The following SEM1 variants were observed in gnomAD, a reference collection of about 807,000 sequenced individuals.
The protein encoded by SEM1 is 26S proteasome complex subunit SEM1.
SEM1 carries 3 observed loss-of-function variants against 12.7 expected under a neutral mutation model. That is an observed-to-expected ratio of 0.24 (90% CI 0.11 to 0.61). The LOEUF (loss-of-function observed/expected upper bound fraction) is 0.61. SEM1 is among the 20% of genes least tolerant of loss of function. The probability of loss-of-function intolerance (pLI) is 0.88; values close to 1 mark genes in which losing one functional copy is unlikely to be tolerated. For synonymous variants in SEM1, 30 were observed against 27.8 expected, an observed-to-expected ratio of 1.08 and a Z score of -0.25; for missense variants, 59 against 81.3, an observed-to-expected ratio of 0.73 and a Z score of 1.06.
intron 2 of SEM1, among the ~76,000 whole-genome samples, chr7:96,602,584 T>C (rs1056116905): frequency 3.9e-5 from 6 of 152,208 alleles, no homozygotes; most frequent in African/African-American, 1.4e-4. Context: ...TACCAATATT[T>C]CTACCTCCCA....
In SEM1 at chr7:96,640,716, A is replaced by G. The variant is rs375637716; in HGVS notation, c.171-18073T>C. ...CCAGGAGTGAACCCTAATGGAAACT[A>G]TGAGCTTTGGATGATGATGTGTTAC... is the stretch of plus-strand genomic sequence containing the variant. On this transcript the variant is annotated intron_variant, in intron 2 of 2. Transcript: ENST00000417009. This position sits in a 1 kb window ranked among gnomAD's most constrained non-coding sequence, Gnocchi z 4.0. Among the ~76,000 whole-genome samples, 26 of 152,022 alleles carry G rather than the reference A, an allele frequency of 1.7e-4. No individual in the cohort carries two copies. In the South Asian group the frequency reaches 5.4e-3, roughly 32 times the overall value.
intron 2 of SEM1, among the ~76,000 whole-genome samples, chr7:96,654,543 A>G (rs1409202625): frequency 1.3e-5 from 2 of 152,166 alleles, no homozygotes; most frequent in Non-Finnish European, 2.9e-5. Context: ...AGTGAGCCAC[A>G]GCACCCATCA....
At chr7:96,671,940 C>G (rs1344146661), downstream of SEM1, among the ~76,000 whole-genome samples, 1 of 152,198 alleles carries the variant, frequency 6.6e-6, no homozygotes, top group Admixed American at 6.5e-5. Context: ...GATAGGAAAT[C>G]TGATCCTAGA....
intron 2 of SEM1, among the ~76,000 whole-genome samples, chr7:96,551,418 G>T (rs1213373494): frequency 6.6e-6 from 1 of 152,174 alleles, no homozygotes; most frequent in Non-Finnish European, 1.5e-5. Context: ...AAGACACAGA[G>T]GCCGGGTGCA....
chr7:96,675,148 C>T (rs544391448), intron 2 of SEM1, among the ~76,000 whole-genome samples: 1 of 150,454 alleles, frequency 6.6e-6, no homozygotes, highest in East Asian at 1.9e-4. Flanking sequence ...AATATAGTTG[C>T]ATTTCTATCT....
At chr7:96,695,632 G>T (rs1218434137) in intron 1 of SEM1, 3 of 151,812 alleles carry the variant, frequency 2.0e-5, no homozygotes, top group African/African-American at 7.2e-5. Flanking sequence ...TTATAAAGAT[G>T]TCTAATGGAG....
At chr7:96,563,301 A>G (rs1805745504) in intron 2 of SEM1, among the ~76,000 whole-genome samples, 1 of 152,082 alleles carries the variant, frequency 6.6e-6, no homozygotes, top group Non-Finnish European at 1.5e-5. Flanking sequence ...TGAAATAGGA[A>G]GCAAGGTCAT....
chr7:96,692,043 A>G (rs944477533), intron 2 of SEM1, among the ~76,000 whole-genome samples: 1 of 152,244 alleles, frequency 6.6e-6, no homozygotes, highest in Non-Finnish European at 1.5e-5. Context: ...ATAGATTTAT[A>G]TACCTATAGA....
chr7:96,667,404 A>G (rs1441644001), intron 2 of SEM1, among the ~76,000 whole-genome samples: 1 of 152,104 alleles, frequency 6.6e-6, no homozygotes, highest in Non-Finnish European at 1.5e-5. Flanking sequence ...CTATCAGTCA[A>G]ATGGGGTAAT....
At chr7:96,490,115 T>C (rs567806274) in intron 1 of SEM1, among the ~76,000 whole-genome samples, 1 of 152,186 alleles carries the variant, frequency 6.6e-6, no homozygotes, top group African/African-American at 2.4e-5. Context: ...CAGAATGGGA[T>C]GAAAAAAAAT....
intron 2 of SEM1, chr7:96,647,661 C>A (rs1808843352): frequency 6.6e-6 from 1 of 152,146 alleles, no homozygotes; most frequent in Admixed American, 6.5e-5. Flanking sequence ...GGAAAAATAA[C>A]CTTCCAGAAC....
chr7:96,650,563 A>G (rs1382157274), intron 2 of SEM1: 1 of 727,740 alleles, frequency 1.4e-6, no homozygotes, highest in South Asian at 1.4e-5. Flanking sequence ...CTGAAGAAAC[A>G]CAGATTTGTA....
chr7:96,577,141 T>C (rs934349206), intron 2 of SEM1, among the ~76,000 whole-genome samples: 18 of 152,050 alleles, frequency 1.2e-4, no homozygotes, highest in African/African-American at 4.3e-4. Context: ...GATACAATAT[T>C]TGATCTTTAA....
intron 2 of SEM1, among the ~76,000 whole-genome samples, chr7:96,639,391 A>T (rs1808522743): frequency 6.6e-6 from 1 of 152,006 alleles, no homozygotes; most frequent in Non-Finnish European, 1.5e-5. Context: ...AGACAAAGAG[A>T]TCAACGAAAC....
upstream of SEM1, among the ~76,000 whole-genome samples, chr7:96,498,987 A>T (rs911950551): frequency 2.6e-5 from 4 of 152,210 alleles, no homozygotes; most frequent in African/African-American, 9.6e-5. Context: ...ACTAGCTTTA[A>T]CTATAATAGA....
chr7:96,681,654 T>C (rs1370496385), intron 2 of SEM1, among the ~76,000 whole-genome samples: 4 of 152,290 alleles, frequency 2.6e-5, no homozygotes, highest in East Asian at 3.9e-4. Context: ...CCTTTCCCCA[T>C]TGCTTGTTTT....
intron 2 of SEM1, among the ~76,000 whole-genome samples, chr7:96,611,766 C>T (rs1365502709): frequency 6.6e-6 from 1 of 152,166 alleles, no homozygotes; most frequent in Non-Finnish European, 1.5e-5. Context: ...TCCCATTATA[C>T]TCATGAACAA....
At chr7:96,484,840 T>A (rs756156172) in exon 3 of SEM1, 1 of 1,288,520 alleles carries the variant, frequency 7.8e-7, no homozygotes, top group South Asian at 1.2e-5. Context: ...CCACTTCTTT[T>A]TTCTTGAGGT....
intron 2 of SEM1, among the ~76,000 whole-genome samples, chr7:96,626,216 C>T (rs896005630): frequency 1.3e-5 from 2 of 152,012 alleles, no homozygotes; most frequent in Non-Finnish European, 2.9e-5. Context: ...CTACTCTATA[C>T]GTCCATAAGT....
Sources: gnomAD v4.1 joint callset for allele counts (sites outside exome capture counted in the v4.1 genomes callset) on GRCh38, gnomAD v4.1.1 for gene constraint, Gnocchi (gnomAD v3.1) non-coding constraint, MANE v1.5 for transcripts, NCBI Gene and HGNC (gene_info 2026-07-23, HGNC 2026-07-21) for gene names.